Variants in FMN1 observed in about 807,000 individuals in gnomAD.
FMN1 encodes formin 1.
FMN1 carries 110 observed loss-of-function variants against 132.4 expected under a neutral mutation model. The observed-to-expected ratio is 0.83, with a 90% confidence interval of 0.71 to 0.97. The LOEUF is 0.97. FMN1 is among the 50% of genes least tolerant of loss of function. FMN1 has a pLI of 0.00. For synonymous variants in FMN1, 722 were observed against 651.7 expected (o/e 1.11, Z -1.64); for missense variants, 1,792 against 1,705.3 (o/e 1.05, Z -0.90).
chr15:33,060,902 G>A (rs2037451679), intron 6 of FMN1, among the ~76,000 whole-genome samples: 1 of 152,146 alleles, frequency 6.6e-6, no homozygotes, highest in Admixed American at 6.5e-5. Context: ...TTCCCCTGAG[G>A]ATTTTGAGAT....
intron 4 of FMN1, among the ~76,000 whole-genome samples, chr15:33,108,456 C>A (rs190504274): frequency 6.4e-4 from 97 of 151,938 alleles, no homozygotes; most frequent in African/African-American, 2.2e-3. Context: ...ACTCTCCTTG[C>A]CCTCCAAGAA....
chr15:32,877,997 TACAA>T (rs149153791), intron 16 of FMN1, among the ~76,000 whole-genome samples: 2,808 of 152,268 alleles, frequency 0.018, 71 homozygotes, highest in African/African-American at 0.065. Flanking sequence ...AGAGAAAATT[TACAA>T]ACAAATAAAT....
At chr15:33,070,059 G>A (rs1380484647) in intron 5 of FMN1, among the ~76,000 whole-genome samples, 5 of 132,520 alleles carry the variant, frequency 3.8e-5, no homozygotes, top group Non-Finnish European at 4.6e-5. Flanking sequence ...AGGCTGGAGT[G>A]GAATGGTGCA....
intron 16 of FMN1, among the ~76,000 whole-genome samples, chr15:32,858,296 C>T (rs2059182898): frequency 6.6e-6 from 1 of 152,198 alleles, no homozygotes; most frequent in South Asian, 2.1e-4. Flanking sequence ...ATGCAAAAGA[C>T]ACCACTTAAA....
At chr15:32,795,641 T>G (rs2140964213) in intron 19 of FMN1, among the ~76,000 whole-genome samples, 1 of 151,946 alleles carries the variant, frequency 6.6e-6, no homozygotes, top group Admixed American at 6.5e-5. Context: ...CAGCTCTCTG[T>G]CTCCAGGTCT....
At chr15:33,024,302 A>G (rs1477419602) in intron 6 of FMN1, among the ~76,000 whole-genome samples, 2 of 130,844 alleles carry the variant, frequency 1.5e-5, no homozygotes, top group Non-Finnish European at 3.1e-5. Context: ...GCTGGAGTGC[A>G]GTGACGTGAT....
intron 4 of FMN1, among the ~76,000 whole-genome samples, chr15:33,127,248 A>G (rs373206107): frequency 8.1e-4 from 124 of 152,294 alleles, no homozygotes; most frequent in African/African-American, 2.8e-3. Context: ...ATCACTACCT[A>G]ACCACAGATC....
chr15:32,937,447 T>A (rs769122966), intron 9 of FMN1, among the ~76,000 whole-genome samples: 1 of 152,242 alleles, frequency 6.6e-6, no homozygotes, highest in Non-Finnish European at 1.5e-5. Context: ...GCCTCTTAAC[T>A]GATTTCTGAA....
At chr15:33,041,672 T>C (rs887286945) in intron 6 of FMN1, among the ~76,000 whole-genome samples, 2 of 152,050 alleles carry the variant, frequency 1.3e-5, no homozygotes, top group African/African-American at 2.4e-5. Context: ...CATCATCTCA[T>C]ACCCATTAAA....
intron 12 of FMN1, 172 bp downstream of exon 12, chr15:32,908,318 C>T: frequency 1.8e-6 from 1 of 551,394 alleles, no homozygotes; most frequent in Non-Finnish European, 3.3e-6. Flanking sequence ...AATCTCAGCG[C>T]TGCTTTTCCC....
At chr15:33,055,378 A>C (rs2037170220) in intron 6 of FMN1, among the ~76,000 whole-genome samples, 1 of 152,228 alleles carries the variant, frequency 6.6e-6, no homozygotes, top group Non-Finnish European at 1.5e-5. Context: ...TTAATGTATT[A>C]CATCTCCCTC....
intron 6 of FMN1, among the ~76,000 whole-genome samples, chr15:33,021,260 A>T (rs953063923): frequency 2.0e-5 from 3 of 152,214 alleles, no homozygotes; most frequent in Admixed American, 6.5e-5. Flanking sequence ...CACCTATGCT[A>T]ACAAATGCTT....
intron 3 of FMN1, among the ~76,000 whole-genome samples, chr15:33,166,199 A>G (rs1462575823): frequency 6.6e-6 from 1 of 152,190 alleles, no homozygotes; most frequent in Non-Finnish European, 1.5e-5. Flanking sequence ...AGAAATTTCA[A>G]AGCGACTTGC....
chr15:33,182,594 G>A (rs565974581), intron 2 of FMN1, among the ~76,000 whole-genome samples: 12 of 152,290 alleles, frequency 7.9e-5, no homozygotes, highest in African/African-American at 2.4e-4. Flanking sequence ...GGACACCCTC[G>A]AAGTATACAA....
At chr15:33,042,130 T>C (rs540714081) in intron 6 of FMN1, among the ~76,000 whole-genome samples, 37 of 152,182 alleles carry the variant, frequency 2.4e-4, no homozygotes, top group African/African-American at 8.2e-4. Flanking sequence ...CTTTGGTATA[T>C]AAATAAAACC....
chr15:33,134,863 G>A (rs1424825399), intron 4 of FMN1, among the ~76,000 whole-genome samples: 3 of 152,166 alleles, frequency 2.0e-5, no homozygotes, highest in Non-Finnish European at 2.9e-5. Context: ...TTAGCCAGGC[G>A]TGGTGGCTTA....
chr15:32,788,221 T>A (rs2056944884), intron 19 of FMN1, among the ~76,000 whole-genome samples: 1 of 152,232 alleles, frequency 6.6e-6, no homozygotes, highest in Non-Finnish European at 1.5e-5. Context: ...TTAGTAGACA[T>A]AACACCCAGA....
At chr15:33,181,740 C>T (rs1965711747) in intron 2 of FMN1, among the ~76,000 whole-genome samples, 1 of 144,664 alleles carries the variant, frequency 6.9e-6, no homozygotes, top group Non-Finnish European at 1.5e-5. Context: ...TGGAGTTTCC[C>T]TCTCGTTGCT....
At chr15:32,822,284 G>C (rs566764747) in intron 17 of FMN1, among the ~76,000 whole-genome samples, 1 of 152,314 alleles carries the variant, frequency 6.6e-6, no homozygotes, top group African/African-American at 2.4e-5. Flanking sequence ...AGGAGGTGGA[G>C]GTTGCAGTGA....
Sources: gnomAD v4.1 joint callset for allele counts (sites outside exome capture counted in the v4.1 genomes callset) on GRCh38, gnomAD v4.1.1 for gene constraint, MANE v1.5 for transcripts, NCBI Gene and HGNC (gene_info 2026-07-23, HGNC 2026-07-21) for gene names.